Variants in PRR12 observed in about 807,000 individuals in gnomAD.
PRR12 encodes proline-rich protein 12.
PRR12 carries 12 observed loss-of-function variants against 138.0 expected under a neutral mutation model. That is an observed-to-expected ratio of 0.09 (90% CI 0.06 to 0.14). The LOEUF (loss-of-function observed/expected upper bound fraction) is 0.14. PRR12 is among the 10% of genes least tolerant of loss of function. The pLI is 1.00. For synonymous variants in PRR12, 1,567 were observed against 1,291.7 expected (o/e 1.21, Z -4.57); for missense variants, 2,692 against 2,861.3 (o/e 0.94, Z 1.35).
At position 49,594,717 on chromosome 19, in the gene PRR12, ACGGAGC is replaced by A; in HGVS notation, c.383_388del (p.Thr128_Leu130delinsIle). The A allele has an allele frequency of 6.2e-7, 1 of 1,611,724 alleles. No individual in the cohort carries two copies. The highest frequency in any genetic ancestry group is 8.5e-7 in the Non-Finnish European group (1 of 1,179,434). On this transcript the variant is annotated inframe_deletion, in exon 4 of 14. Transcript: ENST00000418929. This position sits in a 1 kb window ranked among gnomAD's most constrained non-coding sequence, Gnocchi z 5.6. ...TCCAGCCATGCACACGCCAGGCCCC[ACGGAGC>A]TCTTCATCTCGGGTGCCCTGCCGGG...
chr19:49,591,819 C>T (rs1381757763), intron 1 of PRR12, 79 bp downstream of exon 1: 2 of 795,616 alleles, frequency 2.5e-6, no homozygotes, highest in Non-Finnish European at 1.7e-6. Flanking sequence ...GGGCCGGGCC[C>T]GCCCGGCGAC....
rs1471339678 is a variant in PRR12 at position 49,595,320 on chromosome 19, C to A, written c.985C>A (p.Leu329Met). 2.6e-6 allele frequency: 4 copies of A among 1,545,216 alleles called. No individual in the cohort carries two copies. In the South Asian group the frequency reaches 3.6e-5, roughly 14 times the overall value. Residue 329 changes from leucine (L) to methionine (M), a missense_variant, in exon 4 of 14, where the codon CTG becomes ATG. By Grantham distance (15) the Leu-to-Met change is conservative. This residue lies in a region of PRR12 where 523 missense variants were observed against 496.4 expected (regional missense o/e 1.05). Transcript: ENST00000418929. ...SYPSMGHRANLACSPLGGGEP... is the reference protein window; with the variant it reads ...SYPSMGHRANMACSPLGGGEP... ...CCCCTCCATGGGCCACCGGGCCAAC[C>A]TGGCCTGCAGCCCCCTGGGTGGTGG...
chr19:49,602,537 T>C (rs1247647317), intron 6 of PRR12, among the ~76,000 whole-genome samples: 2 of 152,144 alleles, frequency 1.3e-5, no homozygotes, highest in Admixed American at 1.3e-4. Context: ...TTAGGAATGG[T>C]TATTGTGTGT....
intron 9 of PRR12, among the ~76,000 whole-genome samples, chr19:49,618,448 T>A (rs773012143): frequency 1.5e-4 from 23 of 152,018 alleles, no homozygotes; most frequent in Non-Finnish European, 2.5e-4. Flanking sequence ...TGCAAAGTGG[T>A]GTAATTTCAG....
At position 49,625,234 on chromosome 19, in the gene PRR12, A is replaced by C; in HGVS notation, c.5964+34A>C. On this transcript the variant is annotated intron_variant, in intron 13 of 13. Coordinates refer to ENST00000418929, the MANE Select transcript of PRR12 (RefSeq NM_020719.3). This position sits in a 1 kb window ranked among gnomAD's most constrained non-coding sequence, Gnocchi z 5.5. ...CACCCACAGCACCCATCGCCCTGGG[A>C]TTCCAACCTTTCTGACTTCCTCTTG... 6.3e-7 allele frequency: 1 copy of C among 1,593,584 alleles called. No homozygotes were observed. The highest frequency in any genetic ancestry group is 8.6e-7 in the Non-Finnish European group (1 of 1,162,110).
In PRR12 at chr19:49,616,382, G is replaced by A. The variant is rs1025429833; in HGVS notation, c.5497+163G>A. Among the ~76,000 whole-genome samples the A allele has an allele frequency of 6.6e-6, 1 of 151,922 alleles. No individual in the cohort carries two copies. Among genetic ancestry groups the A allele is most frequent in the Non-Finnish European group, 1.5e-5 (1 of 67,988 alleles). The stretch of plus-strand genomic sequence containing the variant: ...CACGGGGCATCTCACTACACGACAG[G>A]CTGCCTCCTGAGAAGCTGATGGATG... On this transcript the variant is annotated intron_variant, in intron 9 of 13. Transcript: ENST00000418929. The surrounding 1 kb of genome is among the most constrained non-coding windows in gnomAD (Gnocchi z 4.2).
chr19:49,618,349 C>G (rs1254682432), intron 9 of PRR12, among the ~76,000 whole-genome samples: 4 of 152,046 alleles, frequency 2.6e-5, no homozygotes, highest in Non-Finnish European at 4.4e-5. Context: ...AGTCACCTGA[C>G]CAGACTTCCC....
At position 49,600,969 on chromosome 19, in the gene PRR12, C is replaced by G. The variant is rs187214213; in HGVS notation, c.4346-522C>G. On this transcript the variant is annotated intron_variant, in intron 5 of 13. Coordinates refer to ENST00000418929, the MANE Select transcript of PRR12 (RefSeq NM_020719.3). ...CGAACTCCTGACCTCAAGTGATCCA[C>G]CCACCTCAGCCTCCCAAAGTGCTGG... Among the ~76,000 whole-genome samples the G allele has an allele frequency of 1.3e-4, 20 of 152,234 alleles. No individual in the cohort carries two copies. The East Asian group carries it at 3.9e-3, about 29-fold the overall frequency.
In PRR12 at chr19:49,595,061, A is replaced by T; in HGVS notation, c.726A>T (p.Pro242=). 6.6e-7 allele frequency: 1 copy of T among 1,523,050 alleles called. No individual in the cohort carries two copies. Among genetic ancestry groups the T allele is most frequent in the Non-Finnish European group, 8.8e-7 (1 of 1,135,138 alleles). 94.3% of individuals were successfully genotyped at this position (1,523,050 alleles called of 1,614,324 possible). A position where few individuals can be genotyped will look rare whatever the true frequency, so the allele number is the denominator to read the frequency against. ...PDPPPPPRHL[P]TQFNLLASSS... ...CACCACCACCTCCTCGCCACCTCCCAACTCAGTTCAACCTGCTGGCTTCCT... is the reference window on the plus strand; with the variant it reads ...CACCACCACCTCCTCGCCACCTCCCTACTCAGTTCAACCTGCTGGCTTCCT... Residue 242 remains proline (P), a synonymous_variant, in exon 4 of 14, where the codon CCA becomes CCT. Transcript: ENST00000418929.
chr19:49,599,982 T>G lies in PRR12; in HGVS notation c.4345+44T>G, dbSNP rs1344205886. 6.6e-7 allele frequency: 1 copy of G among 1,508,520 alleles called. No individual in the cohort carries two copies. Among genetic ancestry groups the G allele is most frequent in the African/African-American group, 1.4e-5 (1 of 72,138 alleles). The allele number at this position is 1,508,520 out of a possible 1,614,324, so 93.4% of individuals were successfully genotyped here. Reference sequence around the variant, plus strand: ...GTCTGGGAGTAGAGCTTAAAGGTTATTATGATCACTAGGTAACAGTTGTGC... The same window carrying G: ...GTCTGGGAGTAGAGCTTAAAGGTTAGTATGATCACTAGGTAACAGTTGTGC... On this transcript the variant is annotated intron_variant, in intron 5 of 13. Transcript: ENST00000418929. The surrounding 1 kb of genome is among the most constrained non-coding windows in gnomAD (Gnocchi z 5.0).
intron 6 of PRR12, among the ~76,000 whole-genome samples, chr19:49,604,793 G>T (rs993470839): frequency 6.6e-6 from 1 of 152,102 alleles, no homozygotes; most frequent in Non-Finnish European, 1.5e-5. Flanking sequence ...TACTAGTAGC[G>T]TTTTACAGGG....
In PRR12 at chr19:49,595,004, G is replaced by T; in HGVS notation, c.669G>T (p.Gln223His). ...GGCCAGCTGGTCTCGGTCCAGCCCA[G>T]ACCCCCCCTTACCGCCCTGGCCCCC... ...VLGPAGLGPA[Q>H]TPPYRPGPPD... Residue 223 changes from glutamine to histidine, a missense_variant, in exon 4 of 14, where the codon CAG (glutamine) becomes CAT (histidine). By Grantham distance (24) the Gln-to-His change is conservative (BLOSUM62 0). Coordinates refer to ENST00000418929, the MANE Select transcript of PRR12 (RefSeq NM_020719.3). 1 of 1,598,912 alleles carries T rather than the reference G, an allele frequency of 6.3e-7. No homozygotes were observed. The highest frequency in any genetic ancestry group is 8.5e-7 in the Non-Finnish European group (1 of 1,174,396).
Position 49,616,848 on chromosome 19 carries a change from G to A in PRR12, c.5497+629G>A, listed in dbSNP as rs2080895637. Among the ~76,000 whole-genome samples, 1 of 152,166 alleles carries A rather than the reference G, an allele frequency of 6.6e-6. No homozygotes were observed. The highest frequency in any genetic ancestry group is 2.1e-4 in the South Asian group (1 of 4,830). On this transcript the variant is annotated intron_variant, in intron 9 of 13. Coordinates refer to ENST00000418929, the MANE Select transcript of PRR12 (RefSeq NM_020719.3). The surrounding 1 kb of genome is among the most constrained non-coding windows in gnomAD (Gnocchi z 4.2). ...AGTGCTTATGATGATGTCTGGTTAG[G>A]CCGGGCACAGTGGCTCGCGCCTGTA...
chr19:49,621,968 G>A (rs2080925853), intron 11 of PRR12, among the ~76,000 whole-genome samples: 2 of 152,184 alleles, frequency 1.3e-5, no homozygotes, highest in Admixed American at 1.3e-4. Context: ...AGGCTATTAG[G>A]ATCCCAGGCT....
intron 4 of PRR12, 31 bp downstream of exon 4, chr19:49,598,044 G>A (rs1232113453): frequency 4.6e-6 from 6 of 1,309,618 alleles, no homozygotes; most frequent in Non-Finnish European, 5.8e-6. Flanking sequence ...GTAGGGGATA[G>A]GGGAGGAGGA....
chr19:49,611,451 A>T (rs932518150), intron 6 of PRR12, among the ~76,000 whole-genome samples: 1 of 151,096 alleles, frequency 6.6e-6, no homozygotes, highest in Non-Finnish European at 1.5e-5. Flanking sequence ...AGCCTTGCCA[A>T]CCTGGTAAAA....
chr19:49,597,262 C>G lies in PRR12; in HGVS notation c.2927C>G (p.Ala976Gly). The G allele has an allele frequency of 6.4e-7, 1 of 1,572,440 alleles. No individual in the cohort carries two copies. The highest frequency in any genetic ancestry group is 1.8e-5 in the Admixed American group (1 of 54,568). The change falls in exon 4 of 14, where the codon GCT becomes GGT. Residue 976 changes from alanine (A) to glycine (G), a missense_variant. Ala to Gly is a moderately conservative substitution (Grantham distance 60). Transcript: ENST00000418929. The surrounding 1 kb of genome is among the most constrained non-coding windows in gnomAD (Gnocchi z 6.3). ...GPPEDEGDPK[A>G]GAGPPPGPPA... ...CCTGAGGACGAGGGGGACCCCAAGG[C>G]TGGCGCTGGGCCACCCCCCGGCCCC...
At chr19:49,609,363 G>A (rs980042403) in intron 6 of PRR12, among the ~76,000 whole-genome samples, 1 of 152,098 alleles carries the variant, frequency 6.6e-6, no homozygotes, top group African/African-American at 2.4e-5. Flanking sequence ...CACTTTCGGA[G>A]GTCAAGGTGG....
In PRR12 at chr19:49,594,530, C is replaced by T. The variant is rs1035758905; in HGVS notation, c.276C>T (p.Ile92=). The change falls in exon 3 of 14, where the codon ATC becomes ATT. Residue 92 remains isoleucine (I), a synonymous_variant. Transcript: ENST00000418929. The surrounding 1 kb of genome is among the most constrained non-coding windows in gnomAD (Gnocchi z 5.6). ...AGPDASVMNL[I]SALESRGPQP... The stretch of plus-strand genomic sequence containing the variant: ...CCGACGCCTCCGTCATGAACCTTAT[C>T]TCGGCCCTGGAATCCCGGGGCCCCC... 4 of 1,613,064 alleles carry T rather than the reference C, an allele frequency of 2.5e-6. No homozygotes were observed. The highest frequency in any genetic ancestry group is 1.3e-5 in the African/African-American group (1 of 75,028).
Sources: gnomAD v4.1 joint callset for allele counts (sites outside exome capture counted in the v4.1 genomes callset) on GRCh38, gnomAD v4.1.1 for gene constraint, gnomAD v4.1.1 regional missense constraint, Gnocchi (gnomAD v3.1) non-coding constraint, MANE v1.5 for transcripts, NCBI Gene and HGNC (gene_info 2026-07-23, HGNC 2026-07-21) for gene names.